PDE6A: variants seen among roughly 807,000 people sequenced by gnomAD.
PDE6A encodes the protein phosphodiesterase 6A.
A neutral mutation model predicts 106.3 loss-of-function variants in PDE6A; 84 were observed. The observed-to-expected ratio is 0.79, with a 90% CI of 0.66 to 0.95. PDE6A has a LOEUF of 0.95. Ranked by LOEUF, PDE6A falls within the 40% of genes least tolerant of loss-of-function variation. PDE6A has a pLI of 0.00. For missense variants in PDE6A, 1,052 were observed against 1,084.9 expected, an observed-to-expected ratio of 0.97 and a Z score of 0.43; for synonymous variants, 394 against 386.6, an observed-to-expected ratio of 1.02 and a Z score of -0.23.
chr5:149,913,891 G>A (rs922428241), intron 6 of PDE6A, among the ~76,000 whole-genome samples: 9 of 152,302 alleles, frequency 5.9e-5, no homozygotes, highest in Admixed American at 5.2e-4. Context: ...AATGGTCATT[G>A]AGTCTCAGCT....
chr5:149,916,649 C>CG (rs960967697), intron 5 of PDE6A, among the ~76,000 whole-genome samples: 2 of 152,210 alleles, frequency 1.3e-5, no homozygotes, highest in African/African-American at 4.8e-5. Context: ...CTCCATTCCC[C>CG]TAGCTCTCCA....
At chr5:149,916,708 G>C (rs1241100904) in intron 5 of PDE6A, among the ~76,000 whole-genome samples, 1 of 152,190 alleles carries the variant, frequency 6.6e-6, no homozygotes, top group African/African-American at 2.4e-5. Flanking sequence ...GCCCAAGCGT[G>C]ATGAGCAACT....
At chr5:149,917,699 A>G (rs568760767) in intron 5 of PDE6A, among the ~76,000 whole-genome samples, 4 of 152,186 alleles carry the variant, frequency 2.6e-5, no homozygotes, top group Non-Finnish European at 5.9e-5. Context: ...AATAAATAAA[A>G]TGGAGCTGAG....
intron 6 of PDE6A, among the ~76,000 whole-genome samples, chr5:149,914,735 T>A (rs566250060): frequency 6.6e-6 from 1 of 152,042 alleles, no homozygotes; most frequent in African/African-American, 2.4e-5. Context: ...TCCCACCTTA[T>A]AAGAAAAGTA....
At chr5:149,898,703 C>G (rs545329570) in intron 9 of PDE6A, among the ~76,000 whole-genome samples, 197 bp from the exon 10 acceptor site, 1 of 152,296 alleles carries the variant, frequency 6.6e-6, no homozygotes, top group Non-Finnish European at 1.5e-5. Context: ...ACATAAAGCA[C>G]TAACATACAG....
At chr5:149,906,786 T>C (rs1034980937) in intron 7 of PDE6A, among the ~76,000 whole-genome samples, 2 of 152,140 alleles carry the variant, frequency 1.3e-5, no homozygotes, top group African/African-American at 4.8e-5. Context: ...TATTATTTTT[T>C]TTTGAGATGG....
chr5:149,863,125 T>G lies in PDE6A; in HGVS notation c.2500A>C (p.Lys834Gln). The change falls in exon 21 of 22, where the codon AAG (lysine) becomes CAG (glutamine). Residue 834 changes from lysine to glutamine, a missense_variant. Lys to Gln is a moderately conservative substitution (Grantham distance 53, BLOSUM62 1). Transcript: ENST00000255266. This position sits in a 1 kb window ranked among gnomAD's most constrained non-coding sequence, Gnocchi z 4.7. The part of the protein sequence containing the change: ...EEKKQKQQSA[K>Q]SAAAGNQPGG... ...GCTTCCCCCTTCCACAAACCTGACT[T>G]GGCCGACTGCTGTTTCTGCTTCTTC... is the stretch of plus-strand genomic sequence containing the variant. 1 of 1,614,210 alleles carries G rather than the reference T, an allele frequency of 6.2e-7. No individual in the cohort carries two copies. The highest frequency in any genetic ancestry group is 8.5e-7 in the Non-Finnish European group (1 of 1,180,032).
chr5:149,920,887 CAGAGAG>C (rs147822187), intron 5 of PDE6A, among the ~76,000 whole-genome samples: 1 of 126,418 alleles, frequency 7.9e-6, no homozygotes, highest in African/African-American at 3.0e-5. Context: ...AAGAGAGAGA[CAGAGAG>C]AGAGAGAGAG....
chr5:149,918,731 C>A (rs1441896930), intron 5 of PDE6A, among the ~76,000 whole-genome samples: 1 of 152,114 alleles, frequency 6.6e-6, no homozygotes, highest in Non-Finnish European at 1.5e-5. Context: ...CCTATCTTAG[C>A]CTCCCAAGTA....
At chr5:149,923,645 G>T (rs1753796761) in intron 4 of PDE6A, among the ~76,000 whole-genome samples, 1 of 152,074 alleles carries the variant, frequency 6.6e-6, no homozygotes, top group South Asian at 2.1e-4. Context: ...AGCCAGCAAA[G>T]GAGCTGCACA....
chr5:149,872,335 ATATCCTTTT>A (rs1260409954), intron 17 of PDE6A, among the ~76,000 whole-genome samples: 1 of 152,208 alleles, frequency 6.6e-6, no homozygotes, highest in Non-Finnish European at 1.5e-5. Flanking sequence ...TCAATGTAAT[ATATCCTTTT>A]TAAGACTTAC....
chr5:149,895,921 T>G (rs1418460318), intron 12 of PDE6A, among the ~76,000 whole-genome samples: 2 of 152,204 alleles, frequency 1.3e-5, no homozygotes, highest in Non-Finnish European at 1.5e-5. Context: ...CAGGCAATTC[T>G]GCATATCATA....
chr5:149,923,774 G>A (rs1033709482), intron 4 of PDE6A, among the ~76,000 whole-genome samples: 1 of 152,124 alleles, frequency 6.6e-6, no homozygotes, highest in African/African-American at 2.4e-5. Flanking sequence ...CTGGGCCTGA[G>A]AGAGGGGCTT....
intron 10 of PDE6A, 98 bp downstream of exon 10, chr5:149,898,265 G>A: frequency 9.5e-7 from 1 of 1,049,546 alleles, no homozygotes; most frequent in Non-Finnish European, 1.5e-6. Flanking sequence ...CCATGCCCAG[G>A]CTGTGCCCTC....
At chr5:149,861,994 A>T (rs1416570097) in intron 21 of PDE6A, among the ~76,000 whole-genome samples, 1 of 152,214 alleles carries the variant, frequency 6.6e-6, no homozygotes, top group East Asian at 1.9e-4. Context: ...AGCATAAACT[A>T]CAAAACTCTA....
chr5:149,939,134 C>G (rs1173558462), intron 1 of PDE6A, among the ~76,000 whole-genome samples: 1 of 152,116 alleles, frequency 6.6e-6, no homozygotes. Context: ...GTGCAAATAC[C>G]AAGTACGCAG....
intron 17 of PDE6A, among the ~76,000 whole-genome samples, chr5:149,877,048 A>G (rs1760768912): frequency 6.6e-6 from 1 of 152,230 alleles, no homozygotes; most frequent in East Asian, 1.9e-4. Flanking sequence ...GAAAGAAGAC[A>G]GTGAAGTGGA....
At chr5:149,937,868 C>A (rs999381615) in intron 1 of PDE6A, among the ~76,000 whole-genome samples, 4 of 152,172 alleles carry the variant, frequency 2.6e-5, no homozygotes, top group Admixed American at 2.0e-4. Flanking sequence ...ATCAGCCCTG[C>A]CAAATAGAAC....
At position 149,907,390 on chromosome 5, in the gene PDE6A, A is replaced by C; in HGVS notation, c.999-12T>G. 1 of 1,612,276 alleles carries C rather than the reference A, an allele frequency of 6.2e-7. No homozygotes were observed. Among genetic ancestry groups the C allele is most frequent in the Non-Finnish European group, 8.5e-7 (1 of 1,178,320 alleles). ...CAGGAGGTGGATTCCTGTGAAGGCC[A>C]AAGACAAAACGGTGACTCTCAGTGC... is the stretch of plus-strand genomic sequence containing the variant. On this transcript the variant is annotated splice_polypyrimidine_tract_variant and intron_variant, in intron 6 of 21. Coordinates refer to ENST00000255266, the MANE Select transcript of PDE6A (RefSeq NM_000440.3).
Sources: gnomAD v4.1 joint callset for allele counts (sites outside exome capture counted in the v4.1 genomes callset) on GRCh38, gnomAD v4.1.1 for gene constraint, Gnocchi (gnomAD v3.1) non-coding constraint, MANE v1.5 for transcripts, NCBI Gene and HGNC (gene_info 2026-07-23, HGNC 2026-07-21) for gene names.